ROCK2: variants seen among roughly 807,000 people sequenced by gnomAD.
ROCK2 encodes Rho associated coiled-coil containing protein kinase 2.
ROCK2 carries 61 observed loss-of-function variants against 195.1 expected under a neutral mutation model. The observed-to-expected ratio is 0.31, with a 90% CI of 0.25 to 0.39. ROCK2 has a LOEUF of 0.39. Among genes scored for constraint, ROCK2 ranks in the 10% least tolerant of loss-of-function variants. The probability of loss-of-function intolerance (pLI) is 1.00; values close to 1 mark genes in which losing one functional copy is unlikely to be tolerated. For missense variants in ROCK2, 1,109 were observed against 1,637.4 expected (o/e 0.68, Z 5.57); for synonymous variants, 504 against 545.5 (o/e 0.92, Z 1.06).
intron 3 of ROCK2, among the ~76,000 whole-genome samples, chr2:11,275,149 C>T (rs1247459538): frequency 2.6e-5 from 4 of 151,236 alleles, no homozygotes; most frequent in Non-Finnish European, 5.9e-5. Flanking sequence ...CCCAGCTATT[C>T]GGGAGGCTAA....
intron 4 of ROCK2, among the ~76,000 whole-genome samples, chr2:11,240,762 T>C (rs1474369319): frequency 1.3e-5 from 2 of 152,256 alleles, no homozygotes; most frequent in African/African-American, 4.8e-5. Context: ...TTTTATGCTA[T>C]GCAAATTATA....
At chr2:11,273,317 G>C (rs1666712612) in intron 3 of ROCK2, among the ~76,000 whole-genome samples, 1 of 152,056 alleles carries the variant, frequency 6.6e-6, no homozygotes, top group African/African-American at 2.4e-5. Flanking sequence ...ATAGTGGAAG[G>C]ATGGAAATAG....
At chr2:11,193,933 T>A (rs966958904) in intron 29 of ROCK2, 76 bp from the exon 30 acceptor site, 10 of 782,938 alleles carry the variant, frequency 1.3e-5, no homozygotes, top group South Asian at 1.8e-5. Flanking sequence ...TATACTTACA[T>A]CAGACGTTAA....
At chr2:11,253,108 T>A (rs1572312191) in intron 3 of ROCK2, among the ~76,000 whole-genome samples, 1 of 152,104 alleles carries the variant, frequency 6.6e-6, no homozygotes, top group African/African-American at 2.4e-5. Context: ...CAGTTGGTGC[T>A]CCTTTTTACT....
At chr2:11,236,276 G>C (rs948992242) in intron 4 of ROCK2, among the ~76,000 whole-genome samples, 3 of 152,010 alleles carry the variant, frequency 2.0e-5, no homozygotes, top group Non-Finnish European at 4.4e-5. Flanking sequence ...CATTAAAGGT[G>C]AAAGAATGAC....
At position 11,197,175 on chromosome 2, in the gene ROCK2, C is replaced by G; in HGVS notation, c.3448+5G>C. 6.3e-7 allele frequency: 1 copy of G among 1,587,116 alleles called. No individual in the cohort carries two copies. The highest frequency in any genetic ancestry group is 8.6e-7 in the Non-Finnish European group (1 of 1,169,398). Reference sequence around the variant, plus strand: ...TAAATATTAGTGCTGAAAACAAATCCATACCTGGAAACCCATCATCTGCCT... The same window carrying G: ...TAAATATTAGTGCTGAAAACAAATCGATACCTGGAAACCCATCATCTGCCT... On this transcript the variant is annotated splice_donor_5th_base_variant and intron_variant, in intron 27 of 32. Coordinates refer to ENST00000315872, the MANE Select transcript of ROCK2 (RefSeq NM_004850.5). The surrounding 1 kb of genome is among the most constrained non-coding windows in gnomAD (Gnocchi z 4.9).
chr2:11,224,204 G>C, intron 7 of ROCK2, 118 bp downstream of exon 7: 1 of 955,492 alleles, frequency 1.0e-6, no homozygotes, highest in African/African-American at 1.7e-5. Flanking sequence ...CCCAGAATTA[G>C]ATGCTACTTG....
At chr2:11,343,849 T>C (rs1407684683) in intron 1 of ROCK2, 147 bp downstream of exon 1, 3 of 962,514 alleles carry the variant, frequency 3.1e-6, no homozygotes, top group South Asian at 3.9e-5. Context: ...ACAGAATCGT[T>C]TGGTCTCCGG....
At chr2:11,309,054 C>A (rs1572390941) in intron 1 of ROCK2, 1 of 1,475,792 alleles carries the variant, frequency 6.8e-7, no homozygotes, top group East Asian at 2.3e-5. Context: ...CGTACCCAGA[C>A]CAGTAGGCCG....
chr2:11,308,307 C>T, intron 1 of ROCK2: 1 of 1,112,402 alleles, frequency 9.0e-7, no homozygotes, highest in Non-Finnish European at 1.4e-6. Context: ...AAGCTAGAAC[C>T]AATCCTAAAG....
At chr2:11,299,301 C>T (rs926802393) in intron 1 of ROCK2, among the ~76,000 whole-genome samples, 5 of 151,264 alleles carry the variant, frequency 3.3e-5, no homozygotes, top group African/African-American at 1.2e-4. Context: ...ACTGGAAATA[C>T]CCCAAGATCA....
At chr2:11,274,820 C>G (rs1178381678) in intron 3 of ROCK2, among the ~76,000 whole-genome samples, 4 of 152,200 alleles carry the variant, frequency 2.6e-5, no homozygotes, top group African/African-American at 9.7e-5. Flanking sequence ...CCCTCTTATC[C>G]TCAGGAAATA....
intron 1 of ROCK2, among the ~76,000 whole-genome samples, chr2:11,295,694 C>T (rs1256918924): frequency 3.9e-5 from 6 of 152,138 alleles, no homozygotes; most frequent in East Asian, 1.9e-4. Flanking sequence ...TGATGGCTCA[C>T]GCCTGTAATC....
chr2:11,202,034 A>G lies in ROCK2; in HGVS notation c.2619+18T>C. ...AAACTCTGTTTGCTATTTGCAAATT[A>G]ATGTGTCTTGAACTTACTGAGAAAT... is the stretch of plus-strand genomic sequence containing the variant. On this transcript the variant is annotated intron_variant, in intron 21 of 32. Coordinates refer to ENST00000315872, the MANE Select transcript of ROCK2 (RefSeq NM_004850.5). 2 of 1,601,616 alleles carry G rather than the reference A, an allele frequency of 1.2e-6. No homozygotes were observed. Among genetic ancestry groups the G allele is most frequent in the South Asian group, 1.1e-5 (1 of 90,840 alleles).
chr2:11,214,412 G>A lies in ROCK2; in HGVS notation c.1988C>T (p.Ala663Val), dbSNP rs767495736. ...TTGTCTCTTCTCCAGTTCTACTTTCGCTAGTAAGATTTTGCCGTTCTTTAA... is the reference window on the plus strand; with the variant it reads ...TTGTCTCTTCTCCAGTTCTACTTTCACTAGTAAGATTTTGCCGTTCTTTAA... Reference protein sequence around the residue: ...EDLKNGKILLAKVELEKRQLQ... With the variant: ...EDLKNGKILLVKVELEKRQLQ... The change falls in exon 17 of 33, where the codon GCG becomes GTG. Residue 663 changes from alanine (A) to valine (V), a missense_variant. Ala to Val is a moderately conservative substitution (Grantham distance 64, BLOSUM62 0). Around this residue, in one of 6 missense-constraint regions of ROCK2, gnomAD observed 542 missense variants for 672.0 expected, o/e 0.81. Coordinates refer to ENST00000315872, the MANE Select transcript of ROCK2 (RefSeq NM_004850.5). 5 of 1,610,144 alleles carry A rather than the reference G, an allele frequency of 3.1e-6. No homozygotes were observed. The highest frequency in any genetic ancestry group is 1.7e-5 in the Admixed American group (1 of 59,758).
chr2:11,228,894 G>A (rs1029950320), intron 5 of ROCK2, among the ~76,000 whole-genome samples: 1 of 151,876 alleles, frequency 6.6e-6, no homozygotes, highest in Non-Finnish European at 1.5e-5. Flanking sequence ...TGTAAAGGAC[G>A]GATAAGCTAG....
In ROCK2 at chr2:11,192,665, T is replaced by C; in HGVS notation, c.3735A>G (p.Pro1245=). ...TAGATTTTTCTCCAACTGGCTCCAC[T>C]GGAAATTCTTGTTCCTTCTTACTTT... ...EGESKKEQEF[P]VEPVGEKSNY... Residue 1245 remains proline (P), a synonymous_variant, in exon 31 of 33, where the codon CCA becomes CCG. Coordinates refer to ENST00000315872, the MANE Select transcript of ROCK2 (RefSeq NM_004850.5). The surrounding 1 kb of genome is among the most constrained non-coding windows in gnomAD (Gnocchi z 5.0). 6.2e-7 allele frequency: 1 copy of C among 1,613,906 alleles called. No individual in the cohort carries two copies. The highest frequency in any genetic ancestry group is 1.7e-5 in the Admixed American group (1 of 60,014).
intron 32 of ROCK2, among the ~76,000 whole-genome samples, chr2:11,189,738 T>C (rs1415277042): frequency 6.6e-6 from 1 of 152,034 alleles, no homozygotes; most frequent in South Asian, 2.1e-4. Flanking sequence ...TCCTAGCACT[T>C]TGGGAGGCCG....
At position 11,201,146 on chromosome 2, in the gene ROCK2, A is replaced by T. The variant is rs370482739; in HGVS notation, c.2724-3T>A. The T allele has an allele frequency of 3.8e-6, 6 of 1,596,678 alleles. No homozygotes were observed. Among genetic ancestry groups the T allele is most frequent in the Non-Finnish European group, 5.1e-6 (6 of 1,173,954 alleles). On this transcript the variant is annotated splice_polypyrimidine_tract_variant and splice_region_variant and intron_variant, in intron 22 of 32. Coordinates refer to ENST00000315872, the MANE Select transcript of ROCK2 (RefSeq NM_004850.5). The surrounding 1 kb of genome is among the most constrained non-coding windows in gnomAD (Gnocchi z 4.6). ...CCAGTTGGGCAGCCAAAGAGTCCCTACATTTTAGCAATATATCATTTTAAT... is the reference window on the plus strand; with the variant it reads ...CCAGTTGGGCAGCCAAAGAGTCCCTTCATTTTAGCAATATATCATTTTAAT...
Sources: gnomAD v4.1 joint callset for allele counts (sites outside exome capture counted in the v4.1 genomes callset) on GRCh38, gnomAD v4.1.1 for gene constraint, gnomAD v4.1.1 regional missense constraint, Gnocchi (gnomAD v3.1) non-coding constraint, MANE v1.5 for transcripts, NCBI Gene and HGNC (gene_info 2026-07-23, HGNC 2026-07-21) for gene names.